The following LRP1B variants were observed in gnomAD, a reference collection of about 807,000 sequenced individuals.
The protein encoded by LRP1B is LDL receptor related protein 1B.
A neutral mutation model predicts 556.6 loss-of-function variants in LRP1B; 217 were observed. That is an observed-to-expected ratio of 0.39 (90% CI 0.35 to 0.44). The LOEUF is 0.44. LRP1B is among the 20% of genes least tolerant of loss of function. The pLI is 1.00. For missense variants in LRP1B, 5,053 were observed against 5,620.8 expected (o/e 0.90, Z 3.23); for synonymous variants, 2,047 against 1,865.8 (o/e 1.10, Z -2.50).
At chr2:141,538,668 G>A (rs1473132519) in intron 2 of LRP1B, among the ~76,000 whole-genome samples, 1 of 147,130 alleles carries the variant, frequency 6.8e-6, no homozygotes, top group East Asian at 2.0e-4. Context: ...ACACAGTCTC[G>A]CTCTGTCACC....
At chr2:141,249,479 C>A (rs908633425) in intron 4 of LRP1B, among the ~76,000 whole-genome samples, 2 of 152,150 alleles carry the variant, frequency 1.3e-5, no homozygotes, top group Admixed American at 6.5e-5. Context: ...CACTTGTTGT[C>A]CCAGCTACTC....
chr2:141,223,014 A>T (rs1019861779), intron 6 of LRP1B, among the ~76,000 whole-genome samples: 3 of 152,172 alleles, frequency 2.0e-5, no homozygotes, highest in Admixed American at 2.0e-4. Flanking sequence ...CCTATTCAAC[A>T]TAGAATTAGA....
chr2:140,947,808 C>T (rs1008168403), intron 20 of LRP1B, among the ~76,000 whole-genome samples: 5 of 152,120 alleles, frequency 3.3e-5, no homozygotes, highest in African/African-American at 1.2e-4. Context: ...CTGATCAATA[C>T]AAATTAGTTC....
chr2:140,627,953 A>T (rs1683728191), intron 41 of LRP1B, among the ~76,000 whole-genome samples: 1 of 152,138 alleles, frequency 6.6e-6, no homozygotes, highest in Non-Finnish European at 1.5e-5. Context: ...TAACTTAGAG[A>T]CTCAATTTTG....
rs74839720 is a variant in LRP1B, at chr2:141,487,947, T to A, written c.206-7414A>T. ...TTCACATTTGAAAAATAGGGATTAA[T>A]AATACTTTCTGCCTGACACTATTGT... On this transcript the variant is annotated intron_variant, in intron 2 of 90. Coordinates refer to ENST00000389484, the MANE Select transcript of LRP1B (RefSeq NM_018557.3). 8.0e-3 allele frequency among the ~76,000 whole-genome samples: 1,223 copies of A among 152,322 alleles called. 22 individuals are homozygous for A. Among genetic ancestry groups the A allele is most frequent in the African/African-American group, 0.028 (1,150 of 41,574 alleles).
chr2:141,624,991 A>G (rs1307502951), intron 2 of LRP1B, among the ~76,000 whole-genome samples: 1 of 151,838 alleles, frequency 6.6e-6, no homozygotes, highest in Admixed American at 6.6e-5. Flanking sequence ...GATGGTCTCG[A>G]TCTCCTGACC....
At chr2:141,794,517 G>T (rs1333088071) in intron 2 of LRP1B, among the ~76,000 whole-genome samples, 2 of 151,518 alleles carry the variant, frequency 1.3e-5, no homozygotes, top group African/African-American at 4.8e-5. Context: ...CTACAAATGA[G>T]CATAAATAAT....
At chr2:141,352,643 G>T (rs1272923921) in intron 3 of LRP1B, among the ~76,000 whole-genome samples, 1 of 151,810 alleles carries the variant, frequency 6.6e-6, no homozygotes, top group Non-Finnish European at 1.5e-5. Context: ...AAAAGTGATA[G>T]AAATTTGTAT....
chr2:141,511,407 T>C (rs1019904780), intron 2 of LRP1B, among the ~76,000 whole-genome samples: 1 of 152,180 alleles, frequency 6.6e-6, no homozygotes, highest in Non-Finnish European at 1.5e-5. Flanking sequence ...GTATATATTT[T>C]TTTAGATTCA....
intron 2 of LRP1B, among the ~76,000 whole-genome samples, chr2:141,690,336 A>G (rs994893876): frequency 8.9e-5 from 13 of 145,554 alleles, no homozygotes; most frequent in African/African-American, 3.0e-4. Context: ...CATATGTTCA[A>G]GTTAATTGTA....
intron 14 of LRP1B, 38 bp from the exon 15 acceptor site, chr2:141,005,495 G>T: frequency 6.2e-7 from 1 of 1,603,086 alleles, no homozygotes; most frequent in South Asian, 1.1e-5. Flanking sequence ...AGAGAACTCT[G>T]ATTCACGTTC....
chr2:141,193,207 T>C lies in LRP1B; in HGVS notation c.851-4624A>G, dbSNP rs192299196. Reference sequence around the variant, plus strand: ...CAAAGAGCTAAAAGCAGAACTACCATTTAACCCAGCAATCCCATTACTGTG... The same window carrying C: ...CAAAGAGCTAAAAGCAGAACTACCACTTAACCCAGCAATCCCATTACTGTG... On this transcript the variant is annotated intron_variant, in intron 6 of 90. Transcript: ENST00000389484. 1.3e-3 allele frequency among the ~76,000 whole-genome samples: 196 copies of C among 152,120 alleles called. 1 individual carries two copies. Among genetic ancestry groups the C allele is most frequent in the Non-Finnish European group, 1.7e-3 (114 of 67,940 alleles).
rs70985101 is a variant in LRP1B, at chr2:140,511,292, C to CTTTTTTT, written c.8270-1243_8270-1237dup. On this transcript the variant is annotated intron_variant, in intron 51 of 90. Transcript: ENST00000389484. ...TATCAAAATACAATCCTCTAAGGGT[C>CTTTTTTT]TTTTTTTTTTTTTTTTTTTTTTTTT... Among the ~76,000 whole-genome samples, 124 of 58,456 alleles carry CTTTTTTT rather than the reference C, an allele frequency of 2.1e-3. 31 individuals are homozygous for CTTTTTTT. Among genetic ancestry groups the CTTTTTTT allele is most frequent in the African/African-American group, 8.3e-3 (118 of 14,238 alleles). The allele number at this position is 58,456 out of a possible 152,430, so 38.3% of individuals were successfully genotyped here.
At chr2:141,858,142 C>A (rs1236512129) in intron 1 of LRP1B, among the ~76,000 whole-genome samples, 2 of 151,998 alleles carry the variant, frequency 1.3e-5, no homozygotes, top group African/African-American at 4.8e-5. Context: ...AAAAAAAATA[C>A]CTGCGTTAAA....
At chr2:141,994,806 C>G (rs1702443899) in intron 1 of LRP1B, among the ~76,000 whole-genome samples, 1 of 152,138 alleles carries the variant, frequency 6.6e-6, no homozygotes, top group African/African-American at 2.4e-5. Flanking sequence ...TTTAGACCTT[C>G]TTATCTTTAC....
intron 2 of LRP1B, among the ~76,000 whole-genome samples, chr2:141,638,428 C>T (rs13024134): frequency 0.41 from 60,826 of 147,626 alleles, 13,072 homozygotes; most frequent in Non-Finnish European, 0.49. Flanking sequence ...TGGTGTTTCT[C>T]TATAGCAATG....
At chr2:141,302,558 T>C (rs1269548238) in intron 3 of LRP1B, among the ~76,000 whole-genome samples, 1 of 152,086 alleles carries the variant, frequency 6.6e-6, no homozygotes, top group Non-Finnish European at 1.5e-5. Flanking sequence ...ATGCCATTTG[T>C]TTCATAAAAA....
chr2:140,313,369 AGACAAAT>A (rs1684389030), intron 83 of LRP1B, among the ~76,000 whole-genome samples: 1 of 151,922 alleles, frequency 6.6e-6, no homozygotes, highest in African/African-American at 2.4e-5. Flanking sequence ...ATTAAAGTTT[AGACAAAT>A]GATTTGAACA....
chr2:141,542,676 G>A (rs1367990840), intron 2 of LRP1B, among the ~76,000 whole-genome samples: 1 of 152,044 alleles, frequency 6.6e-6, no homozygotes, highest in Non-Finnish European at 1.5e-5. Flanking sequence ...GTAAAGGTCT[G>A]GTATTAAAAC....
Sources: allele counts gnomAD v4.1 joint callset (sites outside exome capture counted in the v4.1 genomes callset), GRCh38; gene constraint gnomAD v4.1.1; transcripts MANE v1.5; gene names NCBI Gene and HGNC (gene_info 2026-07-23, HGNC 2026-07-21).